The following OR56A3 variants were observed in gnomAD, a reference collection of about 807,000 sequenced individuals.
The protein encoded by OR56A3 is olfactory receptor 56A3.
A neutral mutation model predicts 17.5 loss-of-function variants in OR56A3; 23 were observed. The observed-to-expected ratio is 1.32, with a 90% CI of 0.95 to 1.87. The LOEUF (loss-of-function observed/expected upper bound fraction) is 1.87. Ranked by LOEUF, OR56A3 falls within the 40% of genes most tolerant of loss-of-function variation. The probability of loss-of-function intolerance (pLI) is 0.00; values close to 1 mark genes in which losing one functional copy is unlikely to be tolerated. For synonymous variants in OR56A3, 175 were observed against 150.6 expected (o/e 1.16, Z -1.19); for missense variants, 366 against 380.1 (o/e 0.96, Z 0.31).
downstream of OR56A3, among the ~76,000 whole-genome samples, chr11:5,955,153 G>T (rs997669118): frequency 1.3e-5 from 2 of 152,170 alleles, no homozygotes; most frequent in South Asian, 2.1e-4. Context: ...TGAATACCTG[G>T]GGCATTCAGT....
At chr11:5,997,189 A>G in the OR56A3 span, among the ~76,000 whole-genome samples, 1 of 152,202 alleles carries the variant, frequency 6.6e-6, no homozygotes, top group African/African-American at 2.4e-5. Context: ...CTTTGCCCCC[A>G]TGGGAAAGCA....
In OR56A3 at chr11:5,948,177, A is replaced by C; in HGVS notation, c.831A>C (p.Pro277=). ...AGAAGAAAGTCTCCCCTGATGTGCC[A>C]GTCTTGCTCAATGTTCTCCACCATG... ...VAKKKVSPDV[P]VLLNVLHHVI... Residue 277 remains proline (P), a synonymous_variant, in exon 3 of 3, where the codon CCA becomes CCC. Coordinates refer to ENST00000641160, the MANE Select transcript of OR56A3 (RefSeq NM_001003443.3). 6.2e-7 allele frequency: 1 copy of C among 1,614,230 alleles called. No homozygotes were observed. Among genetic ancestry groups the C allele is most frequent in the Non-Finnish European group, 8.5e-7 (1 of 1,180,022 alleles).
chr11:5,992,926 AT>A, the OR56A3 span, among the ~76,000 whole-genome samples: 3 of 152,156 alleles, frequency 2.0e-5, no homozygotes, highest in Non-Finnish European at 2.9e-5. Context: ...CAGGTAGTCT[AT>A]TAGATGTTCA....
the OR56A3 span, chr11:6,001,837 A>G: frequency 8.1e-6 from 4 of 493,294 alleles, no homozygotes; most frequent in Non-Finnish European, 1.4e-5. Flanking sequence ...AAGTAACCAT[A>G]GAATCCAGAA....
chr11:5,943,557 T>A (rs898472266), intron 1 of OR56A3: 2 of 151,516 alleles, frequency 1.3e-5, no homozygotes, highest in African/African-American at 4.8e-5. Flanking sequence ...TCAGGTTTTT[T>A]AAAATAAAAT....
the OR56A3 span, chr11:5,986,559 T>C: frequency 6.2e-7 from 1 of 1,613,832 alleles, no homozygotes; most frequent in Non-Finnish European, 8.5e-7. Context: ...TGGAGGAGAA[T>C]GCATGGATGA....
At chr11:6,002,642 C>T in the OR56A3 span, 18 of 1,614,106 alleles carry the variant, frequency 1.1e-5, no homozygotes, top group African/African-American at 2.7e-5. Context: ...TGACCATGAA[C>T]GTGCAGGACT....
chr11:5,991,318 G>A, the OR56A3 span, among the ~76,000 whole-genome samples: 3 of 152,048 alleles, frequency 2.0e-5, no homozygotes, highest in Admixed American at 6.5e-5. Flanking sequence ...GTGTCCACAG[G>A]CTCACAGGTT....
the OR56A3 span, chr11:5,993,807 A>AT: frequency 6.5e-5 from 18 of 276,904 alleles, no homozygotes; most frequent in South Asian, 1.7e-4. Flanking sequence ...TGTAACCAAC[A>AT]TTTTTTTTAA....
chr11:5,942,556 G>A (rs1847845306), intron 1 of OR56A3, among the ~76,000 whole-genome samples, 182 bp downstream of exon 1: 1 of 152,178 alleles, frequency 6.6e-6, no homozygotes, highest in Admixed American at 6.5e-5. Flanking sequence ...TCTGAATATG[G>A]AAATTTAGTG....
the OR56A3 span, among the ~76,000 whole-genome samples, chr11:5,991,904 C>A: frequency 3.3e-5 from 5 of 152,176 alleles, no homozygotes; most frequent in Admixed American, 2.6e-4. Flanking sequence ...CTAAGTTAGC[C>A]CCCAGATTGG....
At chr11:5,965,937 A>G in the OR56A3 span, among the ~76,000 whole-genome samples, 2 of 152,158 alleles carry the variant, frequency 1.3e-5, no homozygotes, top group Non-Finnish European at 2.9e-5. Flanking sequence ...GTTAAAAAAA[A>G]TGAGCTGGGA....
chr11:5,959,112 A>G, the OR56A3 span, among the ~76,000 whole-genome samples: 1 of 152,206 alleles, frequency 6.6e-6, no homozygotes, highest in African/African-American at 2.4e-5. Flanking sequence ...TCTCTTCAAC[A>G]TATGATTTTC....
chr11:6,020,345 A>T, the OR56A3 span: 1 of 152,136 alleles, frequency 6.6e-6, no homozygotes, highest in African/African-American at 2.4e-5. Flanking sequence ...TTCTGTAAAG[A>T]ATGTCATTGG....
chr11:6,003,109 G>A, the OR56A3 span: 1 of 1,597,086 alleles, frequency 6.3e-7, no homozygotes, highest in Non-Finnish European at 8.5e-7. Context: ...CTGAGGCCCT[G>A]TATCTGTCCC....
intron 1 of OR56A3, among the ~76,000 whole-genome samples, chr11:5,942,657 C>G (rs1847845957): frequency 6.6e-6 from 1 of 152,172 alleles, no homozygotes; most frequent in Non-Finnish European, 1.5e-5. Context: ...AAGACAAAGA[C>G]CACAGTTCAG....
At chr11:5,994,980 C>T in the OR56A3 span, 8 of 696,174 alleles carry the variant, frequency 1.1e-5, no homozygotes, top group East Asian at 1.1e-4. Context: ...GCCAGGCGCC[C>T]GGACCCCAAG....
chr11:5,981,594 A>C, the OR56A3 span, among the ~76,000 whole-genome samples: 1 of 152,210 alleles, frequency 6.6e-6, no homozygotes, highest in Admixed American at 6.5e-5. Context: ...TCCTTGAATT[A>C]GATTTCAACT....
the OR56A3 span, among the ~76,000 whole-genome samples, chr11:6,008,430 A>G: frequency 6.6e-6 from 1 of 152,230 alleles, no homozygotes; most frequent in Non-Finnish European, 1.5e-5. Flanking sequence ...TATATTGCTA[A>G]GAGCATGCAG....
Sources: gnomAD v4.1 joint callset for allele counts (sites outside exome capture counted in the v4.1 genomes callset) on GRCh38, gnomAD v4.1.1 for gene constraint, MANE v1.5 for transcripts, NCBI Gene and HGNC (gene_info 2026-07-23, HGNC 2026-07-21) for gene names.